The following ATRNL1 variants were observed in gnomAD, a reference collection of about 807,000 sequenced individuals.
ATRNL1 encodes the protein attractin-like protein 1.
ATRNL1 carries 95 observed loss-of-function variants against 182.7 expected under a neutral mutation model. The ratio of observed to expected loss-of-function variants is 0.52; its 90% CI spans 0.44 to 0.62. The LOEUF is 0.62. Ranked by LOEUF, ATRNL1 falls within the 20% of genes least tolerant of loss-of-function variation. The pLI is 0.00. For synonymous variants in ATRNL1, 576 were observed against 568.3 expected, an observed-to-expected ratio of 1.01 and a Z score of -0.19; for missense variants, 1,471 against 1,679.5, an observed-to-expected ratio of 0.88 and a Z score of 2.17.
At chr10:115,643,591 C>T (rs1475188212) in intron 26 of ATRNL1, among the ~76,000 whole-genome samples, 2 of 151,968 alleles carry the variant, frequency 1.3e-5, no homozygotes, top group African/African-American at 4.8e-5. Context: ...TCTCAAAACT[C>T]AAGAAAACAA....
intron 25 of ATRNL1, among the ~76,000 whole-genome samples, chr10:115,540,356 T>C (rs918049739): frequency 2.6e-5 from 4 of 152,038 alleles, no homozygotes; most frequent in Non-Finnish European, 4.4e-5. Flanking sequence ...ATTGTGACCA[T>C]AGCCTCCAGA....
chr10:115,581,048 T>G (rs1276395312), intron 26 of ATRNL1, among the ~76,000 whole-genome samples: 3 of 152,176 alleles, frequency 2.0e-5, no homozygotes, highest in African/African-American at 7.2e-5. Context: ...TCTGGAGATT[T>G]ATCTTGGTTT....
chr10:115,171,225 C>T lies in ATRNL1; in HGVS notation c.1281C>T (p.Val427=), dbSNP rs781872160. The change falls in exon 8 of 29, where the codon GTC becomes GTT. Residue 427 remains valine, a synonymous_variant. Coordinates refer to ENST00000355044, the MANE Select transcript of ATRNL1 (RefSeq NM_207303.4). ...HIMELDSRDV[V]MIIIFGYSAI... ...TGGAGTTGGATAGTAGAGATGTTGT[C>T]ATGATCATAATATTTGGATATTCTG... 1.2e-5 allele frequency: 20 copies of T among 1,610,044 alleles called. No homozygotes were observed. In the Admixed American group the frequency reaches 3.3e-4, roughly 27 times the overall value.
intron 5 of ATRNL1, among the ~76,000 whole-genome samples, chr10:115,146,522 T>G (rs142741794): frequency 3.4e-4 from 51 of 152,220 alleles, no homozygotes; most frequent in African/African-American, 1.2e-3. Context: ...AATATGTTGT[T>G]GCCAACTATA....
intron 24 of ATRNL1, among the ~76,000 whole-genome samples, chr10:115,510,022 A>G (rs1460878338): frequency 6.6e-6 from 1 of 152,062 alleles, no homozygotes; most frequent in African/African-American, 2.4e-5. Context: ...TGGAAGAAGT[A>G]ACTGCACTTG....
chr10:115,707,027 A>T (rs1323117589), intron 26 of ATRNL1, among the ~76,000 whole-genome samples: 18 of 152,038 alleles, frequency 1.2e-4, no homozygotes, highest in African/African-American at 4.3e-4. Context: ...AATTTTAATT[A>T]CTTATATACA....
At chr10:115,388,001 G>A (rs1367655980) in intron 19 of ATRNL1, among the ~76,000 whole-genome samples, 1 of 152,098 alleles carries the variant, frequency 6.6e-6, no homozygotes, top group Non-Finnish European at 1.5e-5. Context: ...TTACCACTTT[G>A]TGTAAGGTAC....
intron 27 of ATRNL1, among the ~76,000 whole-genome samples, chr10:115,780,981 A>G (rs1949252112): frequency 6.6e-6 from 1 of 152,204 alleles, no homozygotes; most frequent in Non-Finnish European, 1.5e-5. Flanking sequence ...ATATACATCT[A>G]TATATGTGAA....
intron 25 of ATRNL1, among the ~76,000 whole-genome samples, chr10:115,532,103 G>A (rs1175543712): frequency 1.3e-5 from 2 of 151,702 alleles, no homozygotes; most frequent in East Asian, 3.9e-4. Context: ...GATTCACTTG[G>A]CGATGCGGGC....
chr10:115,220,007 A>G (rs1371078593), intron 9 of ATRNL1, among the ~76,000 whole-genome samples: 1 of 152,228 alleles, frequency 6.6e-6, no homozygotes, highest in Non-Finnish European at 1.5e-5. Flanking sequence ...TATTGTCAAC[A>G]TCAGTTGACT....
At chr10:115,456,678 T>C (rs996169776) in intron 21 of ATRNL1, among the ~76,000 whole-genome samples, 1 of 152,168 alleles carries the variant, frequency 6.6e-6, no homozygotes, top group African/African-American at 2.4e-5. Context: ...TAATACTCTC[T>C]AATGAATATA....
intron 17 of ATRNL1, among the ~76,000 whole-genome samples, chr10:115,305,948 T>G (rs184068512): frequency 6.6e-6 from 1 of 152,298 alleles, no homozygotes; most frequent in East Asian, 1.9e-4. Context: ...TATTTTTCTT[T>G]ATGTAATTGT....
At chr10:115,240,731 T>A (rs1351120135) in intron 9 of ATRNL1, among the ~76,000 whole-genome samples, 3 of 152,084 alleles carry the variant, frequency 2.0e-5, no homozygotes, top group African/African-American at 7.2e-5. Flanking sequence ...ATTTATATTG[T>A]CATGCACCTT....
At chr10:115,570,839 C>T (rs919148600) in intron 26 of ATRNL1, among the ~76,000 whole-genome samples, 1 of 152,166 alleles carries the variant, frequency 6.6e-6, no homozygotes, top group Non-Finnish European at 1.5e-5. Context: ...ATCCAGAGAG[C>T]TGACACTGCT....
chr10:115,688,260 A>G (rs1555046966), intron 26 of ATRNL1, among the ~76,000 whole-genome samples: 1 of 152,136 alleles, frequency 6.6e-6, no homozygotes, highest in East Asian at 1.9e-4. Flanking sequence ...GCTATCACGA[A>G]CATTGCTGGC....
intron 21 of ATRNL1, among the ~76,000 whole-genome samples, chr10:115,434,175 A>G (rs1592651913): frequency 6.6e-6 from 1 of 152,054 alleles, no homozygotes; most frequent in African/African-American, 2.4e-5. Flanking sequence ...AACATGCATA[A>G]TATTATTGTG....
chr10:115,794,940 A>G (rs1555082544), intron 27 of ATRNL1, among the ~76,000 whole-genome samples: 1 of 152,122 alleles, frequency 6.6e-6, no homozygotes, highest in African/African-American at 2.4e-5. Flanking sequence ...TACTATCATT[A>G]TTTTGATGCT....
intron 5 of ATRNL1, among the ~76,000 whole-genome samples, chr10:115,135,594 A>G (rs1845469699): frequency 6.6e-6 from 1 of 152,234 alleles, no homozygotes; most frequent in African/African-American, 2.4e-5. Context: ...CAATATTGTG[A>G]AAATGGCCAT....
At chr10:115,463,959 G>A (rs1847935520) in intron 22 of ATRNL1, among the ~76,000 whole-genome samples, 1 of 151,992 alleles carries the variant, frequency 6.6e-6, no homozygotes, top group South Asian at 2.1e-4. Context: ...TTCCTCCACA[G>A]TATTGTCCAT....
Sources: allele counts gnomAD v4.1 joint callset (sites outside exome capture counted in the v4.1 genomes callset), GRCh38; gene constraint gnomAD v4.1.1; transcripts MANE v1.5; gene names NCBI Gene and HGNC (gene_info 2026-07-23, HGNC 2026-07-21).